Variants in KCNMA1 observed in about 807,000 individuals in gnomAD.
The protein encoded by KCNMA1 is potassium calcium-activated channel subfamily M alpha 1, also known as Calcium-activated potassium channel subunit alpha-1.
KCNMA1 carries 29 observed loss-of-function variants against 140.0 expected under a neutral mutation model. That is an observed-to-expected ratio of 0.21 (90% CI 0.15 to 0.28). The LOEUF is 0.28. Ranked by LOEUF, KCNMA1 falls within the 10% of genes least tolerant of loss-of-function variation. The pLI is 1.00. For synonymous variants in KCNMA1, 612 were observed against 611.9 expected (o/e 1.00, Z 0.00); for missense variants, 880 against 1,602.2 (o/e 0.55, Z 7.70).
chr10:77,270,693 T>C (rs1471485626), intron 2 of KCNMA1, among the ~76,000 whole-genome samples: 1 of 151,592 alleles, frequency 6.6e-6, no homozygotes, highest in Non-Finnish European at 1.5e-5. Flanking sequence ...AGCTAATTTT[T>C]TTTTTTTTTC....
chr10:77,055,569 G>A (rs1326935500), intron 14 of KCNMA1, among the ~76,000 whole-genome samples: 3 of 151,370 alleles, frequency 2.0e-5, no homozygotes, highest in African/African-American at 4.9e-5. Context: ...TCTAGTAGTG[G>A]CAGTAGCAGT....
In KCNMA1 at chr10:77,413,418, G is replaced by A. The variant is rs552524055; in HGVS notation, c.379-9395C>T. Among the ~76,000 whole-genome samples, 7 of 152,182 alleles carry A rather than the reference G, an allele frequency of 4.6e-5. No individual in the cohort carries two copies. The East Asian group carries it at 7.8e-4, about 17-fold the overall frequency. On this transcript the variant is annotated intron_variant, in intron 1 of 27. Transcript: ENST00000286628. ...CAGCAACCTCTTTCACCTCCTGGGCGGGTTTCCCAGCCACGGGCATTCTCC... is the reference window on the plus strand; with the variant it reads ...CAGCAACCTCTTTCACCTCCTGGGCAGGTTTCCCAGCCACGGGCATTCTCC...
At chr10:77,605,732 G>C (rs2084265521) in intron 1 of KCNMA1, among the ~76,000 whole-genome samples, 1 of 152,206 alleles carries the variant, frequency 6.6e-6, no homozygotes. Flanking sequence ...CACATCCCAG[G>C]CCAGGCCCTG....
chr10:77,549,041 C>A (rs1449093580), intron 1 of KCNMA1, among the ~76,000 whole-genome samples: 2 of 152,206 alleles, frequency 1.3e-5, no homozygotes, highest in African/African-American at 4.8e-5. Flanking sequence ...ATGGACTAGA[C>A]TCACACACTG....
Position 77,147,047 on chromosome 10 carries a change from C to T in KCNMA1, c.809-25999G>A, listed in dbSNP as rs548047643. Among the ~76,000 whole-genome samples the T allele has an allele frequency of 1.6e-4, 24 of 152,312 alleles. No homozygotes were observed. The East Asian group carries it at 4.4e-3, about 28-fold the overall frequency. On this transcript the variant is annotated intron_variant, in intron 5 of 27. Coordinates refer to ENST00000286628, the MANE Select transcript of KCNMA1 (RefSeq NM_001161352.2). ...GCACAGAGGAGGGAGCACAAAAGAA[C>T]GAACAATGAAGCACATAGAGAAATA...
At chr10:77,109,728 T>C (rs1321192078) in intron 8 of KCNMA1, among the ~76,000 whole-genome samples, 1 of 151,628 alleles carries the variant, frequency 6.6e-6, no homozygotes. Flanking sequence ...CCAGCCACAG[T>C]GTTTGTTGGA....
At chr10:77,339,883 A>G (rs143495438) in intron 2 of KCNMA1, among the ~76,000 whole-genome samples, 1 of 152,322 alleles carries the variant, frequency 6.6e-6, no homozygotes, top group Non-Finnish European at 1.5e-5. Flanking sequence ...AAATGGACCC[A>G]AAGTCTGAAG....
chr10:77,414,891 C>A (rs1406412577), intron 1 of KCNMA1, among the ~76,000 whole-genome samples: 1 of 152,194 alleles, frequency 6.6e-6, no homozygotes, highest in Non-Finnish European at 1.5e-5. Context: ...TCCATTCTAA[C>A]TCTGAAGGCC....
rs186704471 is a variant in KCNMA1, at chr10:76,956,990, G to A, written c.2361-3066C>T. Among the ~76,000 whole-genome samples the A allele has an allele frequency of 3.3e-5, 5 of 151,978 alleles. No individual in the cohort carries two copies. In the East Asian group the frequency reaches 9.7e-4, roughly 30 times the overall value. On this transcript the variant is annotated intron_variant, in intron 20 of 27. Transcript: ENST00000286628. ...ACAAAAAAATTAGCCAGGCATGGTG[G>A]TGGGTGCCTGTAGTCCCAGCTACTC...
chr10:77,167,197 G>C (rs1262832034), intron 5 of KCNMA1, among the ~76,000 whole-genome samples: 1 of 149,590 alleles, frequency 6.7e-6, no homozygotes, highest in Non-Finnish European at 1.5e-5. Flanking sequence ...CTTTTTTTTA[G>C]CTCCCACATG....
intron 13 of KCNMA1, among the ~76,000 whole-genome samples, chr10:77,079,200 G>A (rs1054030759): frequency 4.6e-5 from 7 of 152,098 alleles, no homozygotes; most frequent in Non-Finnish European, 8.8e-5. Flanking sequence ...AACTTGGGAG[G>A]TGGAGGTTGT....
rs79222266 is a variant in KCNMA1, at chr10:77,595,027, G to T, written c.378+42238C>A. Among the ~76,000 whole-genome samples the T allele has an allele frequency of 9.1e-3, 1,381 of 152,282 alleles. 13 individuals carry two copies. The highest frequency in any genetic ancestry group is 0.052 in the East Asian group (266 of 5,164). On this transcript the variant is annotated intron_variant, in intron 1 of 27. Coordinates refer to ENST00000286628, the MANE Select transcript of KCNMA1 (RefSeq NM_001161352.2). The stretch of plus-strand genomic sequence containing the variant: ...GCTGCCTAGAAAATCTCACAATGAG[G>T]TTGTAAATTCAAGTGAGTGGAAAAA...
At chr10:76,974,334 C>T (rs1445582648) in intron 19 of KCNMA1, 4 of 518,718 alleles carry the variant, frequency 7.7e-6, no homozygotes, top group Non-Finnish European at 1.4e-5. Flanking sequence ...ACGGTTTTCC[C>T]TTTTGGTATT....
At chr10:76,965,581 C>T (rs925201450) in intron 20 of KCNMA1, among the ~76,000 whole-genome samples, 7 of 152,188 alleles carry the variant, frequency 4.6e-5, no homozygotes, top group African/African-American at 1.7e-4. Flanking sequence ...AATACTCTTA[C>T]ATTCTCCACT....
chr10:77,632,292 T>C (rs1342820999), intron 1 of KCNMA1, among the ~76,000 whole-genome samples: 1 of 152,168 alleles, frequency 6.6e-6, no homozygotes, highest in Non-Finnish European at 1.5e-5. Flanking sequence ...AAAGCTGGTC[T>C]GGGTAGACAG....
At chr10:77,118,579 T>G (rs1369738319) in intron 6 of KCNMA1, among the ~76,000 whole-genome samples, 2 of 152,206 alleles carry the variant, frequency 1.3e-5, no homozygotes, top group Non-Finnish European at 2.9e-5. Flanking sequence ...AGTGTGCTGT[T>G]AGCATCTTCC....
intron 3 of KCNMA1, among the ~76,000 whole-genome samples, chr10:77,236,219 T>C (rs547039): frequency 0.34 from 52,220 of 152,106 alleles, 9,372 homozygotes; most frequent in East Asian, 0.56. Flanking sequence ...ACACGATCCA[T>C]GACTCCACAT....
At chr10:77,243,194 T>TCCACACA (rs112553787) in intron 3 of KCNMA1, among the ~76,000 whole-genome samples, 57,457 of 151,294 alleles carry the variant, frequency 0.38, 11,027 homozygotes, top group Non-Finnish European at 0.41. Context: ...CTGCCACCAC[T>TCCACACA]CCACACACCA....
chr10:77,495,930 G>T (rs1249878388), intron 1 of KCNMA1, among the ~76,000 whole-genome samples: 1 of 152,174 alleles, frequency 6.6e-6, no homozygotes, highest in Non-Finnish European at 1.5e-5. Flanking sequence ...CCAGCCTCAG[G>T]AAGTCTTCCT....
Sources: gnomAD v4.1 joint callset for allele counts (sites outside exome capture counted in the v4.1 genomes callset) on GRCh38, gnomAD v4.1.1 for gene constraint, MANE v1.5 for transcripts, NCBI Gene and HGNC (gene_info 2026-07-23, HGNC 2026-07-21) for gene names.